LITAF: variants seen among roughly 807,000 people sequenced by gnomAD.
The protein encoded by LITAF is lipopolysaccharide induced TNF factor, also known as lipopolysaccharide-induced tumor necrosis factor-alpha factor.
A neutral mutation model predicts 14.5 loss-of-function variants in LITAF; 9 were observed. The observed-to-expected ratio is 0.62, with a 90% CI of 0.37 to 1.08. The LOEUF (loss-of-function observed/expected upper bound fraction) is 1.08. Ranked by LOEUF, LITAF falls within the 50% of genes least tolerant of loss-of-function variation. The probability of loss-of-function intolerance (pLI) is 0.01; values close to 1 mark genes in which losing one functional copy is unlikely to be tolerated. For synonymous variants in LITAF, 98 were observed against 88.2 expected (o/e 1.11, Z -0.62); for missense variants, 206 against 213.4 (o/e 0.97, Z 0.22).
chr16:11,593,521 A>G (rs944760360), intron 1 of LITAF, among the ~76,000 whole-genome samples: 1 of 152,176 alleles, frequency 6.6e-6, no homozygotes, highest in Non-Finnish European at 1.5e-5. Context: ...TCAAGTGAAA[A>G]CTTGTACGAG....
Position 11,557,031 on chromosome 16 carries a change from C to T in LITAF, c.-5-296G>A, listed in dbSNP as rs6498222. 0.54 allele frequency among the ~76,000 whole-genome samples: 81,334 copies of T among 151,756 alleles called. 22,398 individuals carry two copies. Among genetic ancestry groups the T allele is most frequent in the Admixed American group, 0.63 (9,683 of 15,254 alleles). On this transcript the variant is annotated intron_variant, in intron 1 of 3. Coordinates refer to ENST00000622633, the MANE Select transcript of LITAF (RefSeq NM_001136472.2). ...TAAACCATTACCAGACAATGACCTA[C>T]GTACCTTCCATATCTGGTGTTTCTT...
chr16:11,628,026 A>C (rs898483865), intron 3 of LITAF, among the ~76,000 whole-genome samples: 10 of 151,654 alleles, frequency 6.6e-5, no homozygotes, highest in South Asian at 4.2e-4. Flanking sequence ...AAAAAAAAAA[A>C]AAAAAAACAA....
intron 3 of LITAF, among the ~76,000 whole-genome samples, chr16:11,628,009 C>T (rs1405469944): frequency 1.8e-5 from 1 of 54,736 alleles, no homozygotes; most frequent in Admixed American, 2.0e-4. Context: ...GAGACTCTGT[C>T]AAAAAAAAAA....
chr16:11,626,523 T>C (rs1047580117), intron 3 of LITAF, among the ~76,000 whole-genome samples: 2 of 152,098 alleles, frequency 1.3e-5, no homozygotes, highest in African/African-American at 4.8e-5. Context: ...TTTGTATTTG[T>C]AGAGACCAAT....
intron 1 of LITAF, among the ~76,000 whole-genome samples, chr16:11,585,230 CA>C (rs35542925): frequency 0.21 from 19,296 of 90,522 alleles, 1,039 homozygotes; most frequent in South Asian, 0.3. Context: ...GACTCTGTCT[CA>C]AAAAAAAAAA....
At chr16:11,594,305 AAT>A (rs966294517) in intron 1 of LITAF, among the ~76,000 whole-genome samples, 7 of 119,750 alleles carry the variant, frequency 5.8e-5, no homozygotes, top group African/African-American at 2.8e-4. Flanking sequence ...ACTGTATCCC[AAT>A]TTTTTTTTTA....
At chr16:11,574,718 T>G (rs1029398416) in intron 1 of LITAF, among the ~76,000 whole-genome samples, 2 of 152,114 alleles carry the variant, frequency 1.3e-5, no homozygotes, top group African/African-American at 4.8e-5. Flanking sequence ...TTATTTCTAT[T>G]TGGTAAGAAG....
At chr16:11,566,847 T>C (rs1281054219) in intron 1 of LITAF, among the ~76,000 whole-genome samples, 1 of 151,862 alleles carries the variant, frequency 6.6e-6, no homozygotes, top group Non-Finnish European at 1.5e-5. Context: ...AAGGGCTTAC[T>C]CCAATAGCTC....
Position 11,549,106 on chromosome 16 carries a change from G to T in LITAF, c.*531C>A, listed in dbSNP as rs1442689916. 8.8e-6 allele frequency: 4 copies of T among 453,950 alleles called. No individual in the cohort carries two copies. Among genetic ancestry groups the T allele is most frequent in the Non-Finnish European group, 1.3e-5 (3 of 226,800 alleles). 28.1% of individuals were successfully genotyped at this position (453,950 alleles called of 1,614,324 possible). ...AATCTGTGTGCTAATGAAGTCTGCA[G>T]TTACAGAATCTCAAAGCCAAGCCTG... On this transcript the variant is annotated 3_prime_UTR_variant, in exon 4 of 4. Coordinates refer to ENST00000622633, the MANE Select transcript of LITAF (RefSeq NM_001136472.2). The surrounding 1 kb of genome is among the most constrained non-coding windows in gnomAD (Gnocchi z 4.6).
intron 1 of LITAF, chr16:11,561,461 C>G (rs962231717): frequency 6.6e-6 from 1 of 152,226 alleles, no homozygotes; most frequent in Non-Finnish European, 1.5e-5. Flanking sequence ...CGCCTCTCCC[C>G]CTTTATTGAG....
upstream of LITAF, among the ~76,000 whole-genome samples, chr16:11,603,429 GC>G (rs1317342208): frequency 1.4e-4 from 22 of 152,306 alleles, no homozygotes; most frequent in Non-Finnish European, 3.2e-4. Context: ...GGCCTCCCTG[GC>G]TGTCTTCCAC....
In LITAF at chr16:11,604,622, C is replaced by T. The variant is rs149662294; in HGVS notation, c.85+28911G>A. Among the ~76,000 whole-genome samples, 108 of 122,522 alleles carry T rather than the reference C, an allele frequency of 8.8e-4. 1 individual carries two copies. Among genetic ancestry groups the T allele is most frequent in the Non-Finnish European group, 1.4e-3 (87 of 61,994 alleles). The allele number at this position is 122,522 out of a possible 152,430, so 80.4% of individuals were successfully genotyped here. A position where few individuals can be genotyped will look rare whatever the true frequency, so the allele number is the denominator to read the frequency against. ...AGGAGTTCGAGACCAGCCTGGGCAA[C>T]ACAGCAAGACTCTGTCTCTCTTAAA... On this transcript the variant is annotated intron_variant, in intron 3 of 3. Coordinates refer to the LITAF transcript ENST00000574848.
At chr16:11,625,208 G>A (rs1597375467) in intron 3 of LITAF, among the ~76,000 whole-genome samples, 2 of 151,826 alleles carry the variant, frequency 1.3e-5, no homozygotes, top group Admixed American at 1.3e-4. Flanking sequence ...CTCTCTGAAG[G>A]TCACTGTGGT....
intron 1 of LITAF, among the ~76,000 whole-genome samples, chr16:11,573,647 A>G (rs1350385933): frequency 6.6e-6 from 1 of 151,294 alleles, no homozygotes; most frequent in East Asian, 1.9e-4. Context: ...TTAATGAGGC[A>G]GGAGAGTGTT....
chr16:11,626,153 C>G (rs568601319), intron 3 of LITAF, among the ~76,000 whole-genome samples: 2 of 151,964 alleles, frequency 1.3e-5, no homozygotes, highest in African/African-American at 4.8e-5. Context: ...AGAAAGATCC[C>G]ACTACTTTAC....
intron 3 of LITAF, among the ~76,000 whole-genome samples, chr16:11,625,459 C>T (rs1376952087): frequency 6.6e-6 from 1 of 151,938 alleles, no homozygotes; most frequent in East Asian, 1.9e-4. Flanking sequence ...GACAGGGTTT[C>T]GCCATGTTGC....
chr16:11,571,311 C>T (rs2064538194), intron 1 of LITAF, among the ~76,000 whole-genome samples: 1 of 152,180 alleles, frequency 6.6e-6, no homozygotes, highest in South Asian at 2.1e-4. Context: ...AGGTGATTCG[C>T]CTGCCTCGGC....
At chr16:11,574,073 A>C (rs1425807154) in intron 1 of LITAF, among the ~76,000 whole-genome samples, 1 of 139,136 alleles carries the variant, frequency 7.2e-6, no homozygotes, top group Non-Finnish European at 1.6e-5. Context: ...ACAGGTTCTC[A>C]CTGGGTTGCC....
At chr16:11,562,906 G>T (rs1438042611) in intron 1 of LITAF, among the ~76,000 whole-genome samples, 2 of 142,048 alleles carry the variant, frequency 1.4e-5, no homozygotes, top group Non-Finnish European at 3.1e-5. Context: ...CAAAACAAAA[G>T]AAAAAAAAAT....
Sources: allele counts gnomAD v4.1 joint callset (sites outside exome capture counted in the v4.1 genomes callset), GRCh38; gene constraint gnomAD v4.1.1; non-coding constraint Gnocchi (gnomAD v3.1); transcripts MANE v1.5; gene names NCBI Gene and HGNC (gene_info 2026-07-23, HGNC 2026-07-21).